RTN1: variants seen among roughly 807,000 people sequenced by gnomAD.
RTN1 encodes reticulon-1.
RTN1 carries 25 observed loss-of-function variants against 65.5 expected under a neutral mutation model. That is an observed-to-expected ratio of 0.38 (90% CI 0.28 to 0.53). The LOEUF (loss-of-function observed/expected upper bound fraction) is 0.53. Ranked by LOEUF, RTN1 falls within the 20% of genes least tolerant of loss-of-function variation. The probability of loss-of-function intolerance (pLI) is 0.79; values close to 1 mark genes in which losing one functional copy is unlikely to be tolerated. For missense variants in RTN1, 983 were observed against 1,025.4 expected (o/e 0.96, Z 0.57); for synonymous variants, 471 against 447.6 (o/e 1.05, Z -0.66).
At chr14:59,865,295 C>A (rs1355650114) in intron 1 of RTN1, among the ~76,000 whole-genome samples, 1 of 152,124 alleles carries the variant, frequency 6.6e-6, no homozygotes, top group Non-Finnish European at 1.5e-5. Context: ...TTTTCTAGCC[C>A]TAGTCTTATT....
intron 1 of RTN1, among the ~76,000 whole-genome samples, chr14:59,762,933 C>G (rs1178058164): frequency 6.6e-6 from 1 of 152,188 alleles, no homozygotes. Flanking sequence ...AAATCTAACT[C>G]ACATGTTCTG....
rs760625493 is a variant in RTN1 at position 59,727,909 on chromosome 14, C to T, written c.1016-241G>A. On this transcript the variant is annotated intron_variant, in intron 2 of 8. Transcript: ENST00000267484. This position sits in a 1 kb window ranked among gnomAD's most constrained non-coding sequence, Gnocchi z 4.2. Reference sequence around the variant, plus strand: ...ATTAATTAGTGTTTTACAGACCTCTCTATCTTCAGCTAGCTATTTTAAAAA... The same window carrying T: ...ATTAATTAGTGTTTTACAGACCTCTTTATCTTCAGCTAGCTATTTTAAAAA... 6.6e-6 allele frequency among the ~76,000 whole-genome samples: 1 copy of T among 152,192 alleles called. No individual in the cohort carries two copies. Among genetic ancestry groups the T allele is most frequent in the Non-Finnish European group, 1.5e-5 (1 of 68,034 alleles).
rs1423747056 is a variant in RTN1 at position 59,870,613 on chromosome 14, A to G, written c.18T>C (p.Asp6=). ...CCAGCGGCAGCAGCTCGTCCTGCGG[A>G]TCCCCCGGCGCGGCCATGGCTGGCG... MAAPG[D]PQDELLPLAG... Residue 6 remains aspartate, a synonymous_variant, in exon 1 of 9, where the codon GAT becomes GAC. Transcript: ENST00000267484. This position sits in a 1 kb window ranked among gnomAD's most constrained non-coding sequence, Gnocchi z 5.1. The G allele has an allele frequency of 6.3e-6, 9 of 1,425,092 alleles. No individual in the cohort carries two copies. The highest frequency in any genetic ancestry group is 8.2e-6 in the Non-Finnish European group (9 of 1,093,690). 88.3% of individuals were successfully genotyped at this position (1,425,092 alleles called of 1,614,324 possible).
rs1881400159 is a variant in RTN1 at position 59,596,446 on chromosome 14, AG to A, written c.*298del. 1 of 237,272 alleles carries A rather than the reference AG, an allele frequency of 4.2e-6. No homozygotes were observed. Among genetic ancestry groups the A allele is most frequent in the African/African-American group, 2.3e-5 (1 of 44,306 alleles). The allele number at this position is 237,272 out of a possible 1,614,324, so 14.7% of individuals were successfully genotyped here. A position where few individuals can be genotyped will look rare whatever the true frequency, so the allele number is the denominator to read the frequency against. The stretch of plus-strand genomic sequence containing the variant: ...CAGAAGCATTGCAGAGAAGAGAAGA[AG>A]AACACCGAAGAGGGAAAGATAACTT... On this transcript the variant is annotated 3_prime_UTR_variant, in exon 9 of 9. Transcript: ENST00000267484.
chr14:59,608,539 G>T (rs964672359), intron 3 of RTN1, among the ~76,000 whole-genome samples: 22 of 152,190 alleles, frequency 1.4e-4, no homozygotes, highest in Non-Finnish European at 2.8e-4. Context: ...AGGAATTTTT[G>T]CAGAGTAAAG....
intron 3 of RTN1, among the ~76,000 whole-genome samples, chr14:59,673,667 G>T (rs1483575532): frequency 1.3e-5 from 2 of 152,130 alleles, no homozygotes; most frequent in Non-Finnish European, 2.9e-5. Flanking sequence ...CCATTTGACT[G>T]GTTAAAAGGC....
chr14:59,635,758 G>A (rs1882652734), intron 3 of RTN1, among the ~76,000 whole-genome samples: 1 of 152,084 alleles, frequency 6.6e-6, no homozygotes, highest in South Asian at 2.1e-4. Context: ...CAAAGAACTG[G>A]TAAATGGAAA....
At chr14:59,655,777 G>A (rs1448249875) in intron 3 of RTN1, among the ~76,000 whole-genome samples, 1 of 152,152 alleles carries the variant, frequency 6.6e-6, no homozygotes, top group Non-Finnish European at 1.5e-5. Flanking sequence ...GTCCTGGGAC[G>A]ACTGGATATG....
At chr14:59,596,872 G>T in intron 8 of RTN1, 85 bp from the exon 9 acceptor site, 1 of 1,018,226 alleles carries the variant, frequency 9.8e-7, no homozygotes, top group South Asian at 1.3e-5. Flanking sequence ...TTAGCTAAGT[G>T]ACCAAAGAAC....
At position 59,829,554 on chromosome 14, in the gene RTN1, T is replaced by A. The variant is rs144895757; in HGVS notation, c.241+40836A>T. Among the ~76,000 whole-genome samples, 152 of 152,314 alleles carry A rather than the reference T, an allele frequency of 1.0e-3. No individual in the cohort carries two copies. The highest frequency in any genetic ancestry group is 3.3e-3 in the African/African-American group (139 of 41,558). ...CCTGTAAATCTATACTTACTGCACA[T>A]TAAAAATATAAATAGATGGCAGACA... On this transcript the variant is annotated intron_variant, in intron 1 of 8. Transcript: ENST00000267484. The surrounding 1 kb of genome is among the most constrained non-coding windows in gnomAD (Gnocchi z 4.3).
At chr14:59,851,574 A>G (rs1566747709) in intron 1 of RTN1, among the ~76,000 whole-genome samples, 1 of 152,162 alleles carries the variant, frequency 6.6e-6, no homozygotes, top group East Asian at 1.9e-4. Context: ...GAATAAACCA[A>G]TTTGGCCAGG....
Position 59,794,281 on chromosome 14 carries a change from G to A in RTN1, c.242-47800C>T, listed in dbSNP as rs1396772011. Among the ~76,000 whole-genome samples, 1 of 152,138 alleles carries A rather than the reference G, an allele frequency of 6.6e-6. No homozygotes were observed. Among genetic ancestry groups the A allele is most frequent in the Non-Finnish European group, 1.5e-5 (1 of 68,028 alleles). On this transcript the variant is annotated intron_variant, in intron 1 of 8. Transcript: ENST00000267484. This position sits in a 1 kb window ranked among gnomAD's most constrained non-coding sequence, Gnocchi z 5.1. Reference sequence around the variant, plus strand: ...AGAACAAGAAGTTTTCTGTGCCCTTGAGTGTTAACAGAAACACGTCTAACC... The same window carrying A: ...AGAACAAGAAGTTTTCTGTGCCCTTAAGTGTTAACAGAAACACGTCTAACC...
At chr14:59,706,395 T>C (rs750853670) in intron 3 of RTN1, among the ~76,000 whole-genome samples, 5 of 152,224 alleles carry the variant, frequency 3.3e-5, no homozygotes, top group African/African-American at 7.2e-5. Context: ...TGACCCTTTT[T>C]TGAGTTTCAT....
rs191439193 is a variant in RTN1, at chr14:59,797,213, C to T, written c.242-50732G>A. Among the ~76,000 whole-genome samples, 430 of 152,278 alleles carry T rather than the reference C, an allele frequency of 2.8e-3. 1 individual carries two copies. Among genetic ancestry groups the T allele is most frequent in the Middle Eastern group, 0.014 (4 of 294 alleles). On this transcript the variant is annotated intron_variant, in intron 1 of 8. Transcript: ENST00000267484. ...TATTGCTAAATGCAAAACAAATCTT[C>T]GTCACCACCACTGTACACCATTTTT...
intron 1 of RTN1, among the ~76,000 whole-genome samples, chr14:59,818,092 T>C (rs1406870300): frequency 2.0e-5 from 3 of 152,226 alleles, no homozygotes; most frequent in African/African-American, 7.2e-5. Context: ...GTGTATTCAA[T>C]GTTTAGCTCC....
chr14:59,624,383 A>G (rs548412868), intron 3 of RTN1, among the ~76,000 whole-genome samples: 53 of 152,308 alleles, frequency 3.5e-4, no homozygotes, highest in African/African-American at 1.1e-3. Context: ...TTAAAGAATC[A>G]TTAATGTCAA....
At chr14:59,810,287 G>A (rs1886705632) in intron 1 of RTN1, among the ~76,000 whole-genome samples, 2 of 152,178 alleles carry the variant, frequency 1.3e-5, no homozygotes, top group Admixed American at 1.3e-4. Context: ...AAGATGGGAG[G>A]TTTTCCTAAG....
intron 3 of RTN1, among the ~76,000 whole-genome samples, chr14:59,631,038 C>A (rs903703900): frequency 1.3e-5 from 2 of 152,176 alleles, no homozygotes; most frequent in African/African-American, 2.4e-5. Context: ...GCATAATGTT[C>A]CCTAATTGTT....
At chr14:59,820,535 C>T (rs1221753530) in intron 1 of RTN1, among the ~76,000 whole-genome samples, 9 of 151,862 alleles carry the variant, frequency 5.9e-5, no homozygotes, top group Admixed American at 5.2e-4. Context: ...AGTTTTAGGT[C>T]TTACACTTAA....
Sources: allele counts gnomAD v4.1 joint callset (sites outside exome capture counted in the v4.1 genomes callset), GRCh38; gene constraint gnomAD v4.1.1; non-coding constraint Gnocchi (gnomAD v3.1); transcripts MANE v1.5; gene names NCBI Gene and HGNC (gene_info 2026-07-23, HGNC 2026-07-21).